The following ENGASE variants were observed in gnomAD, a reference collection of about 807,000 sequenced individuals.
ENGASE encodes cytosolic endo-beta-N-acetylglucosaminidase.
ENGASE carries 69 observed loss-of-function variants against 78.5 expected under a neutral mutation model. The observed-to-expected ratio is 0.88, with a 90% CI of 0.72 to 1.07. The LOEUF (loss-of-function observed/expected upper bound fraction) is 1.07. Among genes scored for constraint, ENGASE ranks in the 50% least tolerant of loss-of-function variants. The pLI is 0.00. For missense variants in ENGASE, 943 were observed against 988.4 expected, an observed-to-expected ratio of 0.95 and a Z score of 0.62; for synonymous variants, 408 against 408.9, an observed-to-expected ratio of 1.00 and a Z score of 0.03.
At chr17:79,085,893 C>T in intron 13 of ENGASE, 40 bp from the exon 14 acceptor site, 2 of 1,574,762 alleles carry the variant, frequency 1.3e-6, no homozygotes, top group South Asian at 1.1e-5. Flanking sequence ...CTCTCCCCGC[C>T]CCCGGGCGTC....
In ENGASE at chr17:79,084,578, C is replaced by T. The variant is rs921571149; in HGVS notation, c.1483C>T (p.Leu495=). The T allele has an allele frequency of 1.1e-5, 17 of 1,598,316 alleles. No individual in the cohort carries two copies. Among genetic ancestry groups the T allele is most frequent in the Non-Finnish European group, 1.4e-5 (17 of 1,174,524 alleles). Residue 495 remains leucine (L), a synonymous_variant, in exon 11 of 14, where the codon CTG becomes TTG. Transcript: ENST00000579016. ...GGCCCCAGTGCCACCCAAGATTTAC[C>T]TGTCCATGGTGTATAAGCTTGAGGG... ...LQAPVPPKIY[L]SMVYKLEGPT... is the part of the protein sequence containing the mutation.
At chr17:79,085,174 C>A (rs1483154327) in intron 11 of ENGASE, 60 bp from the exon 12 acceptor site, 9 of 1,395,704 alleles carry the variant, frequency 6.4e-6, no homozygotes, top group Non-Finnish European at 9.2e-6. Context: ...CTTGGTGGTC[C>A]TTCTCAGTGC....
rs749216021 is a variant in ENGASE, at chr17:79,086,397, T to TC, written c.*51dup. ...CTCCTGGCCTCGGGCTGAGGCCTCTTCCCGGCTGTCTGCCCCTGGCCTGCG... is the reference window on the plus strand; with the variant it reads ...CTCCTGGCCTCGGGCTGAGGCCTCTTCCCCGGCTGTCTGCCCCTGGCCTGCG... On this transcript the variant is annotated 3_prime_UTR_variant, in exon 14 of 14. Coordinates refer to ENST00000579016, the MANE Select transcript of ENGASE (RefSeq NM_001042573.3). The TC allele has an allele frequency of 1.9e-6, 3 of 1,565,580 alleles. No individual in the cohort carries two copies. The South Asian group carries it at 3.6e-5, about 19-fold the overall frequency.
rs2146024369 is a variant in ENGASE, at chr17:79,087,112, GC to G, written c.*764del. The G allele has an allele frequency of 2.2e-6, 1 of 453,440 alleles. No homozygotes were observed. The highest frequency in any genetic ancestry group is 2.0e-5 in the African/African-American group (1 of 50,132). The allele number at this position is 453,440 out of a possible 1,614,324, so 28.1% of individuals were successfully genotyped here. On this transcript the variant is annotated 3_prime_UTR_variant, in exon 14 of 14. Coordinates refer to ENST00000579016, the MANE Select transcript of ENGASE (RefSeq NM_001042573.3). Reference sequence around the variant, plus strand: ...GGGAAGTGGCTCTGAGGCAGTCTGCGCTGTGGCCCTGCCTCTGCCCAGCGAG... The same window carrying G: ...GGGAAGTGGCTCTGAGGCAGTCTGCGTGTGGCCCTGCCTCTGCCCAGCGAG...
At chr17:79,080,465 G>A in intron 5 of ENGASE, 101 bp downstream of exon 5, 1 of 1,369,872 alleles carries the variant, frequency 7.3e-7, no homozygotes, top group Non-Finnish European at 1.0e-6. Context: ...CGCCTGGGCT[G>A]CAGGTTGCAG....
chr17:79,080,295 C>G lies in ENGASE; in HGVS notation c.654C>G (p.Asp218Glu). ...AGCGCTCGTACCAGGCAGTGGCTGA[C>G]CGGCTGGTCCAGATCACTCAGTTTT... ...GDERSYQAVA[D>E]RLVQITQFFR... The change falls in exon 5 of 14, where the codon GAC (aspartate) becomes GAG (glutamate). Residue 218 changes from aspartate (D) to glutamate (E), a missense_variant. Physicochemically the swap from Asp to Glu is conservative, Grantham distance 45. Coordinates refer to ENST00000579016, the MANE Select transcript of ENGASE (RefSeq NM_001042573.3). 6.2e-7 allele frequency: 1 copy of G among 1,613,982 alleles called. No homozygotes were observed. Among genetic ancestry groups the G allele is most frequent in the Non-Finnish European group, 8.5e-7 (1 of 1,180,002 alleles).
rs995556385 is a variant in ENGASE at position 79,084,670 on chromosome 17, C to T, written c.1575C>T (p.Gly525=). Residue 525 remains glycine (G), a synonymous_variant, in exon 11 of 14, where the codon GGC becomes GGT. Coordinates refer to ENST00000579016, the MANE Select transcript of ENGASE (RefSeq NM_001042573.3). ...TGDAGSCHIG[G]ISVLNAETSS... ...ATGCCGGCAGCTGCCACATCGGTGG[C>T]ATCTCAGTGTTGAACGGTGAGGTAA... is the stretch of plus-strand genomic sequence containing the variant. 8 of 1,611,704 alleles carry T rather than the reference C, an allele frequency of 5.0e-6. No individual in the cohort carries two copies. The Admixed American group carries it at 1.0e-4, about 20-fold the overall frequency.
At chr17:79,082,143 C>T (rs768731692) in intron 7 of ENGASE, 80 bp downstream of exon 7, 17 of 1,611,486 alleles carry the variant, frequency 1.1e-5, no homozygotes, top group Non-Finnish European at 1.4e-5. Flanking sequence ...CTTCCATTCC[C>T]GTCTGCACCT....
Position 79,085,268 on chromosome 17 carries a change from C to T in ENGASE, c.1626C>T (p.Leu542=), listed in dbSNP as rs768408516. 6.2e-7 allele frequency: 1 copy of T among 1,613,598 alleles called. No homozygotes were observed. Among genetic ancestry groups the T allele is most frequent in the Non-Finnish European group, 8.5e-7 (1 of 1,179,982 alleles). Residue 542 remains leucine, a synonymous_variant, in exon 12 of 14, where the codon CTC becomes CTT. Transcript: ENST00000579016. ...GCTCAAGACACAGCCTCCGACCCCT[C>T]CGGGTGCCCCCCACCAAGCTGGCCA... ...ETSSRHSLRP[L]RVPPTKLARW... is the part of the protein sequence containing the mutation.
chr17:79,084,757 T>C (rs1021301524), intron 11 of ENGASE, 71 bp downstream of exon 11: 8 of 1,543,786 alleles, frequency 5.2e-6, no homozygotes, highest in African/African-American at 1.4e-5. Flanking sequence ...GTGGAGAGGC[T>C]CCTGGGGTGT....
rs200879639 is a variant in ENGASE at position 79,086,000 on chromosome 17, G to A, written c.1883G>A (p.Arg628His). 52 of 1,610,804 alleles carry A rather than the reference G, an allele frequency of 3.2e-5. 1 individual carries two copies. The South Asian group carries it at 3.7e-4, about 12-fold the overall frequency. ...CAGGCCGTCACCATCTCTCACATCC[G>A]CTGGCAGCCATCCGCCTCTGAGCGG... ...QVQAVTISHI[R>H]WQPSASEREG... is the part of the protein sequence containing the mutation. Residue 628 changes from arginine (R) to histidine (H), a missense_variant, in exon 14 of 14, where the codon CGC (arginine) becomes CAC (histidine). By Grantham distance (29) the Arg-to-His change is conservative. Transcript: ENST00000579016.
At position 79,082,727 on chromosome 17, in the gene ENGASE, A is replaced by G. The variant is rs555415618; in HGVS notation, c.1039-293A>G. 1,721 of 1,404,448 alleles carry G rather than the reference A, an allele frequency of 1.2e-3. 3 individuals carry two copies. The highest frequency in any genetic ancestry group is 1.6e-3 in the Non-Finnish European group (1,656 of 1,063,434). The allele number at this position is 1,404,448 out of a possible 1,614,324, so 87.0% of individuals were successfully genotyped here. A position where few individuals can be genotyped will look rare whatever the true frequency, so the allele number is the denominator to read the frequency against. ...CCCGTGATTCTGATAATCGAATGAG[A>G]GGTGTGCCAGAGGACAATGGGACCG... On this transcript the variant is annotated intron_variant, in intron 7 of 13. Coordinates refer to ENST00000579016, the MANE Select transcript of ENGASE (RefSeq NM_001042573.3).
chr17:79,083,501 C>T lies in ENGASE; in HGVS notation c.1162C>T (p.Arg388Cys), dbSNP rs200896035. ...NQDKFWGRLE[R>C]YLPTHSICSL... The stretch of plus-strand genomic sequence containing the variant: ...TGGCAGGTTCTGGGGCCGACTGGAG[C>T]GTTATCTGCCCACACATAGCATCTG... The change falls in exon 9 of 14, where the codon CGT (arginine) becomes TGT (cysteine). Residue 388 changes from arginine to cysteine, a missense_variant. By Grantham distance (180) the Arg-to-Cys change is radical. Coordinates refer to ENST00000579016, the MANE Select transcript of ENGASE (RefSeq NM_001042573.3). The surrounding 1 kb of genome is among the most constrained non-coding windows in gnomAD (Gnocchi z 4.9). 95 of 1,614,084 alleles carry T rather than the reference C, an allele frequency of 5.9e-5. No individual in the cohort carries two copies. In the East Asian group the frequency reaches 1.2e-3, roughly 21 times the overall value.
At chr17:79,080,846 G>A (rs2073112430) in intron 5 of ENGASE, 79 bp from the exon 6 acceptor site, 2 of 1,505,392 alleles carry the variant, frequency 1.3e-6, no homozygotes, top group Non-Finnish European at 1.8e-6. Context: ...GCATCCCCCT[G>A]TCTGTCCAGC....
intron 7 of ENGASE, chr17:79,082,814 C>A: frequency 6.6e-7 from 1 of 1,507,376 alleles, no homozygotes; most frequent in Non-Finnish European, 8.9e-7. Context: ...GCGCTGACCG[C>A]CTCTCCCGCG....
Position 79,074,903 on chromosome 17 carries a change from GC to G in ENGASE, c.-39del. ...TTGGCCGAGCGCGGCGCGGGGGCGGGCCCGGGCCTGCGATTGCCTCTCGGCG... is the reference window on the plus strand; with the variant it reads ...TTGGCCGAGCGCGGCGCGGGGGCGGGCCGGGCCTGCGATTGCCTCTCGGCG... On this transcript the variant is annotated 5_prime_UTR_variant, in exon 1 of 14. Transcript: ENST00000579016. 8.0e-7 allele frequency: 1 copy of G among 1,250,380 alleles called. No homozygotes were observed. The allele number at this position is 1,250,380 out of a possible 1,614,324, so 77.5% of individuals were successfully genotyped here.
At chr17:79,075,449 G>A (rs2072946041) in intron 1 of ENGASE, among the ~76,000 whole-genome samples, 1 of 152,274 alleles carries the variant, frequency 6.6e-6, no homozygotes, top group South Asian at 2.1e-4. Flanking sequence ...GCTCATGCCT[G>A]GCTCAGTGGA....
Position 79,077,790 on chromosome 17 carries a change from CCAGCCCCCT to C in ENGASE, c.344_352del (p.Gln115_Pro117del), listed in dbSNP as rs1439752193. The C allele has an allele frequency of 1.2e-6, 2 of 1,614,132 alleles. No individual in the cohort carries two copies. Among genetic ancestry groups the C allele is most frequent in the Non-Finnish European group, 1.7e-6 (2 of 1,180,048 alleles). On this transcript the variant is annotated inframe_deletion, in exon 3 of 14. Coordinates refer to ENST00000579016, the MANE Select transcript of ENGASE (RefSeq NM_001042573.3). The stretch of plus-strand genomic sequence containing the variant: ...TGGCCCTGGAGCCCCTGGCGTGTCG[CCAGCCCCCT>C]CTGAGCAGCCAGAGGCCCCGGACTT...
At chr17:79,080,136 T>C (rs1366193731) in intron 4 of ENGASE, 71 bp from the exon 5 acceptor site, 4 of 1,517,598 alleles carry the variant, frequency 2.6e-6, no homozygotes, top group Non-Finnish European at 3.5e-6. Flanking sequence ...TTCGAGAACC[T>C]CGCTTTGAAA....
Sources: allele counts gnomAD v4.1 joint callset (sites outside exome capture counted in the v4.1 genomes callset), GRCh38; gene constraint gnomAD v4.1.1; non-coding constraint Gnocchi (gnomAD v3.1); transcripts MANE v1.5; gene names NCBI Gene and HGNC (gene_info 2026-07-23, HGNC 2026-07-21).